FASTKD2: variants seen among roughly 807,000 people sequenced by gnomAD.
FASTKD2 encodes the protein FAST kinase domains 2, also known as FAST kinase domain-containing protein 2, mitochondrial.
A neutral mutation model predicts 63.6 loss-of-function variants in FASTKD2; 51 were observed. The ratio of observed to expected loss-of-function variants is 0.80; its 90% CI spans 0.64 to 1.01. The LOEUF (loss-of-function observed/expected upper bound fraction) is 1.01. Among genes scored for constraint, FASTKD2 ranks in the 50% least tolerant of loss-of-function variants. FASTKD2 has a pLI of 0.00. For synonymous variants in FASTKD2, 284 were observed against 293.4 expected, an observed-to-expected ratio of 0.97 and a Z score of 0.33; for missense variants, 786 against 831.1, an observed-to-expected ratio of 0.95 and a Z score of 0.67.
In FASTKD2 at chr2:206,792,586, A is replaced by G. The variant is rs1690318498; in HGVS notation, c.*784A>G. 6.6e-6 allele frequency: 1 copy of G among 152,236 alleles called. No homozygotes were observed. Among genetic ancestry groups the G allele is most frequent in the African/African-American group, 2.4e-5 (1 of 41,438 alleles). The allele number at this position is 152,236 out of a possible 1,614,324, so 9.4% of individuals were successfully genotyped here. A position where few individuals can be genotyped will look rare whatever the true frequency, so the allele number is the denominator to read the frequency against. On this transcript the variant is annotated 3_prime_UTR_variant, in exon 12 of 12. Coordinates refer to ENST00000402774, the MANE Select transcript of FASTKD2 (RefSeq NM_001136193.2). ...TTGTCCAAATTCAACTATTTTGTTC[A>G]ATATGCCTGTCTACCTAGTATTTGG...
At chr2:206,770,825 G>C (rs1689658082) in intron 3 of FASTKD2, among the ~76,000 whole-genome samples, 1 of 152,018 alleles carries the variant, frequency 6.6e-6, no homozygotes, top group African/African-American at 2.4e-5. Context: ...TGTGAGGGTT[G>C]ACGTTGACCC....
intron 7 of FASTKD2, among the ~76,000 whole-genome samples, chr2:206,774,988 G>C (rs939466390): frequency 6.6e-6 from 1 of 151,940 alleles, no homozygotes; most frequent in Non-Finnish European, 1.5e-5. Flanking sequence ...TATATAAGTG[G>C]AGTCATGCGG....
intron 7 of FASTKD2, 87 bp downstream of exon 7, chr2:206,774,484 G>A (rs1689771652): frequency 4.7e-6 from 4 of 851,694 alleles, no homozygotes; most frequent in Admixed American, 1.9e-5. Flanking sequence ...ATTATTACAA[G>A]TGAACACACC....
At chr2:206,775,747 T>C (rs1689808080) in intron 7 of FASTKD2, among the ~76,000 whole-genome samples, 1 of 152,026 alleles carries the variant, frequency 6.6e-6, no homozygotes, top group South Asian at 2.1e-4. Context: ...AGCAGTTTGG[T>C]CCTGGGCTTT....
At chr2:206,777,706 T>C (rs747589744) in intron 7 of FASTKD2, among the ~76,000 whole-genome samples, 11 of 152,324 alleles carry the variant, frequency 7.2e-5, no homozygotes, top group Admixed American at 2.6e-4. Context: ...TGGAAAAGTT[T>C]AAGCACATTA....
At chr2:206,790,785 G>A in intron 11 of FASTKD2, 99 bp downstream of exon 11, 1 of 786,206 alleles carries the variant, frequency 1.3e-6, no homozygotes, top group East Asian at 2.5e-5. Context: ...AGGACTAGAG[G>A]AATTGTCAGC....
Position 206,794,255 on chromosome 2 carries a change from T to A in FASTKD2, c.*2453T>A, listed in dbSNP as rs1242179280. Among the ~76,000 whole-genome samples, 1 of 152,174 alleles carries A rather than the reference T, an allele frequency of 6.6e-6. No individual in the cohort carries two copies. The highest frequency in any genetic ancestry group is 1.5e-5 in the Non-Finnish European group (1 of 68,022). On this transcript the variant is annotated 3_prime_UTR_variant, in exon 12 of 12. Transcript: ENST00000402774. The stretch of plus-strand genomic sequence containing the variant: ...GATCTATGGCACACATAGAAAAAAA[T>A]TAGGAAATATATTAAATGCTCATTT...
chr2:206,788,927 C>T (rs1690210190), intron 10 of FASTKD2, 24 bp downstream of exon 10: 1 of 1,178,640 alleles, frequency 8.5e-7, no homozygotes, highest in African/African-American at 1.5e-5. Context: ...ATTTCATTTG[C>T]TGGGCTTTCT....
rs184001145 is a variant in FASTKD2 at position 206,793,326 on chromosome 2, G to A, written c.*1524G>A. On this transcript the variant is annotated 3_prime_UTR_variant, in exon 12 of 12. Transcript: ENST00000402774. ...TCCAGCTTGCATTTAGAAAAGGTTAGAGCTGAAAGGAAATTTAGTGATTAT... is the reference window on the plus strand; with the variant it reads ...TCCAGCTTGCATTTAGAAAAGGTTAAAGCTGAAAGGAAATTTAGTGATTAT... Among the ~76,000 whole-genome samples the A allele has an allele frequency of 2.2e-3, 334 of 150,580 alleles. 2 individuals carry two copies. The highest frequency in any genetic ancestry group is 7.7e-3 in the African/African-American group (316 of 40,888).
chr2:206,771,318 T>G (rs749341332), intron 4 of FASTKD2, 28 bp downstream of exon 4: 1 of 1,340,182 alleles, frequency 7.5e-7, no homozygotes. Flanking sequence ...CTCTAGTGGA[T>G]GAGATTTGAA....
chr2:206,771,345 C>A, intron 4 of FASTKD2, 55 bp downstream of exon 4: 1 of 1,036,944 alleles, frequency 9.6e-7, no homozygotes, highest in South Asian at 1.3e-5. Context: ...TTTCTTATAA[C>A]CTGCTATCAC....
chr2:206,786,697 T>C, intron 7 of FASTKD2, 36 bp from the exon 8 acceptor site: 1 of 1,594,396 alleles, frequency 6.3e-7, no homozygotes, highest in Non-Finnish European at 8.6e-7. Context: ...TGGCCTTCTG[T>C]ATATGTTGGG....
At position 206,793,245 on chromosome 2, in the gene FASTKD2, A is replaced by AAAAAAAAAC. The variant is rs1690344590; in HGVS notation, c.*1449_*1450insAACAAAAAA. On this transcript the variant is annotated 3_prime_UTR_variant, in exon 12 of 12. Coordinates refer to ENST00000402774, the MANE Select transcript of FASTKD2 (RefSeq NM_001136193.2). ...CAAAAAAAAAAAAAAAAAAAAAAAAAAAAAAATACAAAAACTATAGCAATA... is the reference window on the plus strand; with the variant it reads ...CAAAAAAAAAAAAAAAAAAAAAAAAAAAAAAAAACAAAAAATACAAAAACTATAGCAATA... Among the ~76,000 whole-genome samples the AAAAAAAAAC allele has an allele frequency of 6.9e-6, 1 of 145,478 alleles. No homozygotes were observed. The highest frequency in any genetic ancestry group is 2.7e-5 in the African/African-American group (1 of 37,626).
In FASTKD2 at chr2:206,774,323, A is replaced by G. The variant is rs369427864; in HGVS notation, c.1353A>G (p.Leu451=). The G allele has an allele frequency of 3.4e-4, 544 of 1,602,430 alleles. 5 individuals carry two copies. In the South Asian group the frequency reaches 5.0e-3, roughly 15 times the overall value. ...GAATAGTAGAGGATCCTGAATCCCT[A>G]AACATGAAAAACATTCTATCTATTC... ...MKRIVEDPES[L]NMKNILSILH... The change falls in exon 7 of 12, where the codon CTA becomes CTG. Residue 451 remains leucine (L), a synonymous_variant. Coordinates refer to ENST00000402774, the MANE Select transcript of FASTKD2 (RefSeq NM_001136193.2).
Position 206,766,869 on chromosome 2 carries a change from A to G in FASTKD2, c.176A>G (p.Asn59Ser). 1 of 1,603,626 alleles carries G rather than the reference A, an allele frequency of 6.2e-7. No homozygotes were observed. Among genetic ancestry groups the G allele is most frequent in the Non-Finnish European group, 8.5e-7 (1 of 1,174,876 alleles). The change falls in exon 2 of 12, where the codon AAC becomes AGC. Residue 59 changes from asparagine to serine, a missense_variant. Physicochemically the swap from Asn to Ser is conservative, Grantham distance 46 (BLOSUM62 1). Transcript: ENST00000402774. Reference protein sequence around the residue: ...CKPKIVHSNWNILNNFHNRMQ... With the variant: ...CKPKIVHSNWSILNNFHNRMQ... ...CCAAAAATAGTTCATTCAAACTGGAACATTTTAAATAACTTTCATAACAGA... is the reference window on the plus strand; with the variant it reads ...CCAAAAATAGTTCATTCAAACTGGAGCATTTTAAATAACTTTCATAACAGA...
chr2:206,771,366 C>A, intron 4 of FASTKD2, 76 bp downstream of exon 4: 1 of 860,436 alleles, frequency 1.2e-6, no homozygotes, highest in South Asian at 1.4e-5. Flanking sequence ...TGCCTGAAGT[C>A]AATTTTCTAG....
At position 206,787,979 on chromosome 2, in the gene FASTKD2, G is replaced by T. The variant is rs751263251; in HGVS notation, c.1637G>T (p.Cys546Phe). The T allele has an allele frequency of 1.2e-6, 2 of 1,613,286 alleles. No individual in the cohort carries two copies. The highest frequency in any genetic ancestry group is 1.7e-6 in the Non-Finnish European group (2 of 1,179,480). ...TACAAGCTGCATACTTTGGATACTT[G>T]TCTAAAACTTGATGATACTGTCTAT... is the stretch of plus-strand genomic sequence containing the variant. ...NAYKLHTLDT[C>F]LKLDDTVYLR... The change falls in exon 9 of 12, where the codon TGT (cysteine) becomes TTT (phenylalanine). Residue 546 changes from cysteine to phenylalanine, a missense_variant. Coordinates refer to ENST00000402774, the MANE Select transcript of FASTKD2 (RefSeq NM_001136193.2).
chr2:206,785,809 A>G (rs2287628), intron 7 of FASTKD2, among the ~76,000 whole-genome samples: 37,734 of 151,872 alleles, frequency 0.25, 5,635 homozygotes, highest in East Asian at 0.71. Context: ...TCCCCTACCC[A>G]TGGACCTCTC....
chr2:206,765,936 ATTC>A (rs1285811389), intron 1 of FASTKD2, among the ~76,000 whole-genome samples, 189 bp downstream of exon 1: 1 of 151,782 alleles, frequency 6.6e-6, no homozygotes, highest in African/African-American at 2.4e-5. Context: ...CCAGGTCCCT[ATTC>A]TTGATGGTCT....
Sources: allele counts gnomAD v4.1 joint callset (sites outside exome capture counted in the v4.1 genomes callset), GRCh38; gene constraint gnomAD v4.1.1; transcripts MANE v1.5; gene names NCBI Gene and HGNC (gene_info 2026-07-23, HGNC 2026-07-21).